The following RLN2 variants were observed in gnomAD, a reference collection of about 807,000 sequenced individuals.
RLN2 encodes the protein prorelaxin H2.
Under a neutral mutation model 7.3 loss-of-function variants are expected in RLN2, and 10 were observed. The observed-to-expected ratio is 1.36, with a 90% CI of 0.84 to 2.31. RLN2 has a LOEUF of 2.31. RLN2 is among the 30% of genes most tolerant of loss of function. RLN2 has a pLI of 0.00. For missense variants in RLN2, 298 were observed against 217.6 expected (o/e 1.37, Z -2.32); for synonymous variants, 103 against 82.3 (o/e 1.25, Z -1.36).
At chr9:5,329,583 A>AG in the RLN2 span, among the ~76,000 whole-genome samples, 4 of 11,656 alleles carry the variant, frequency 3.4e-4, no homozygotes, top group Admixed American at 4.0e-3. Context: ...AAACGGAGAG[A>AG]AAAAAAAAAA....
the RLN2 span, among the ~76,000 whole-genome samples, chr9:5,320,588 C>A: frequency 6.6e-6 from 1 of 151,842 alleles, no homozygotes; most frequent in African/African-American, 2.4e-5. Context: ...CCAGGCTGCT[C>A]TCAAACTTCT....
chr9:5,301,125 G>A (rs1308753194), intron 1 of RLN2, among the ~76,000 whole-genome samples: 3 of 152,218 alleles, frequency 2.0e-5, no homozygotes, highest in African/African-American at 4.8e-5. Context: ...GATTTAAGAA[G>A]AGATTTGTAT....
At chr9:5,321,293 A>G in the RLN2 span, among the ~76,000 whole-genome samples, 4 of 152,106 alleles carry the variant, frequency 2.6e-5, no homozygotes, top group African/African-American at 9.7e-5. Context: ...TCTTCCAGGT[A>G]AGATCAAAGA....
At chr9:5,312,264 C>T in the RLN2 span, among the ~76,000 whole-genome samples, 1 of 152,020 alleles carries the variant, frequency 6.6e-6, no homozygotes, top group Non-Finnish European at 1.5e-5. Flanking sequence ...CCCTTTCCAT[C>T]TTTCAGCGTA....
the RLN2 span, among the ~76,000 whole-genome samples, chr9:5,330,766 C>CAAA: frequency 1.0e-4 from 8 of 76,296 alleles, no homozygotes; most frequent in African/African-American, 3.0e-4. Flanking sequence ...GATAGAGAGA[C>CAAA]AAAAAAAAAA....
At chr9:5,322,070 G>T in the RLN2 span, among the ~76,000 whole-genome samples, 1 of 152,052 alleles carries the variant, frequency 6.6e-6, no homozygotes, top group African/African-American at 2.4e-5. Context: ...CGAATGGATG[G>T]GTACAGCAAA....
At chr9:5,305,410 G>GAC (rs1816229973), upstream of RLN2, among the ~76,000 whole-genome samples, 1 of 148,956 alleles carries the variant, frequency 6.7e-6, no homozygotes, top group Non-Finnish European at 1.5e-5. Context: ...CACAGAGAGA[G>GAC]AGAGAGAGAG....
chr9:5,328,685 G>A, the RLN2 span, among the ~76,000 whole-genome samples: 1 of 152,106 alleles, frequency 6.6e-6, no homozygotes, highest in East Asian at 1.9e-4. Flanking sequence ...CCAACAAAGG[G>A]AAGCCCATCA....
the RLN2 span, among the ~76,000 whole-genome samples, chr9:5,327,864 C>G: frequency 2.0e-5 from 3 of 151,990 alleles, no homozygotes; most frequent in Non-Finnish European, 4.4e-5. Flanking sequence ...TGAATAGCAT[C>G]AACATCAACA....
Position 5,304,420 on chromosome 9 carries a change from TTGCTCC to T in RLN2, c.155_160del (p.Trp52_Lys54delinsTer). The T allele has an allele frequency of 6.2e-7, 1 of 1,611,332 alleles. No homozygotes were observed. The highest frequency in any genetic ancestry group is 1.1e-5 in the South Asian group (1 of 90,906). On this transcript the variant is annotated stop_gained and inframe_deletion, in exon 1 of 2. Transcript: ENST00000381627. LOFTEE classifies it high-confidence loss of function. ...AGCATCTTCCTGGCTCAGAGACCTT[TTGCTCC>T]AGGTGCTCATGCCGCAAATGGCAAT...
chr9:5,335,203 C>A, the RLN2 span: 40 of 1,180,470 alleles, frequency 3.4e-5, no homozygotes, highest in African/African-American at 6.0e-4. Flanking sequence ...GAAATGTCAT[C>A]AAGACTATGT....
the RLN2 span, chr9:5,311,601 C>T: frequency 6.6e-6 from 7 of 1,055,964 alleles, no homozygotes; most frequent in Non-Finnish European, 1.0e-5. Flanking sequence ...GAGAAGATAC[C>T]CATAGGGAAA....
chr9:5,316,296 C>A, the RLN2 span, among the ~76,000 whole-genome samples: 88,083 of 151,538 alleles, frequency 0.58, 27,812 homozygotes, highest in African/African-American at 0.82. Context: ...TATTGTTTTC[C>A]TTTCACTGAT....
At chr9:5,326,512 G>T in the RLN2 span, among the ~76,000 whole-genome samples, 3 of 152,036 alleles carry the variant, frequency 2.0e-5, no homozygotes, top group African/African-American at 7.3e-5. Flanking sequence ...GCCAGAGTGT[G>T]GGAGCCTGGG....
the RLN2 span, among the ~76,000 whole-genome samples, chr9:5,313,248 TTC>T: frequency 3.9e-5 from 6 of 152,096 alleles, no homozygotes; most frequent in African/African-American, 1.4e-4. Context: ...AATATATAGA[TTC>T]TCTGATGTTG....
chr9:5,335,092 TCATA>T, the RLN2 span: 1 of 512,034 alleles, frequency 2.0e-6, no homozygotes, highest in Admixed American at 3.7e-5. Flanking sequence ...GAAACTACAA[TCATA>T]CAAAGAATAT....
chr9:5,321,020 T>C, the RLN2 span, among the ~76,000 whole-genome samples: 1 of 152,140 alleles, frequency 6.6e-6, no homozygotes, highest in Admixed American at 6.5e-5. Flanking sequence ...CTTAAAATTA[T>C]ACAGTTCAAT....
the RLN2 span, among the ~76,000 whole-genome samples, chr9:5,310,173 C>T: frequency 1.3e-5 from 2 of 152,068 alleles, no homozygotes; most frequent in South Asian, 4.2e-4. Flanking sequence ...TTGGGGTTAT[C>T]CCAGGGCAAT....
At chr9:5,315,485 TG>T in the RLN2 span, among the ~76,000 whole-genome samples, 1 of 151,552 alleles carries the variant, frequency 6.6e-6, no homozygotes, top group East Asian at 1.9e-4. Context: ...TTTTGCATTA[TG>T]GGAGCTCTAC....
Sources: allele counts gnomAD v4.1 joint callset (sites outside exome capture counted in the v4.1 genomes callset), GRCh38; gene constraint gnomAD v4.1.1; transcripts MANE v1.5; gene names NCBI Gene and HGNC (gene_info 2026-07-23, HGNC 2026-07-21).